Variants in KDM4C observed in about 807,000 individuals in gnomAD.
The protein encoded by KDM4C is lysine-specific demethylase 4C.
A neutral mutation model predicts 129.3 loss-of-function variants in KDM4C; 81 were observed. The observed-to-expected ratio is 0.63, with a 90% CI of 0.52 to 0.75. The LOEUF (loss-of-function observed/expected upper bound fraction) is 0.75, where lower values mean the gene tolerates loss of function less well. Among genes scored for constraint, KDM4C ranks in the 30% least tolerant of loss-of-function variants. The pLI, the probability that KDM4C is intolerant of heterozygous loss-of-function variation, is 0.00. For synonymous variants in KDM4C, 573 were observed against 456.1 expected (o/e 1.26, Z -3.26); for missense variants, 1,457 against 1,304.0 (o/e 1.12, Z -1.81).
At chr9:6,857,755 C>CTT (rs34529562) in intron 5 of KDM4C, among the ~76,000 whole-genome samples, 160 of 135,530 alleles carry the variant, frequency 1.2e-3, no homozygotes, top group Non-Finnish European at 1.8e-3. Flanking sequence ...GCCAGCTGTA[C>CTT]TTTTTTTTTT....
In KDM4C at chr9:6,805,684, T is replaced by G; in HGVS notation, c.230T>G (p.Val77Gly). The G allele has an allele frequency of 6.2e-7, 1 of 1,614,090 alleles. No homozygotes were observed. Among genetic ancestry groups the G allele is most frequent in the Non-Finnish European group, 8.5e-7 (1 of 1,179,992 alleles). ...LLIPAPIQQM[V>G]TGQSGLFTQY... Reference sequence around the variant, plus strand: ...ATTCCAGCACCAATTCAGCAGATGGTCACAGGGCAGTCAGGACTGTTCACT... The same window carrying G: ...ATTCCAGCACCAATTCAGCAGATGGGCACAGGGCAGTCAGGACTGTTCACT... Residue 77 changes from valine (V) to glycine (G), a missense_variant, in exon 3 of 22, where the codon GTC (valine) becomes GGC (glycine). Val to Gly is a moderately radical substitution (Grantham distance 109, BLOSUM62 -3). Coordinates refer to ENST00000381309, the MANE Select transcript of KDM4C (RefSeq NM_015061.6).
chr9:6,860,775 G>A (rs770846121), intron 5 of KDM4C, among the ~76,000 whole-genome samples: 1 of 152,142 alleles, frequency 6.6e-6, no homozygotes, highest in Non-Finnish European at 1.5e-5. Flanking sequence ...GTGTTACTTG[G>A]AATGTATTTT....
At chr9:7,144,227 A>G (rs1362151166) in intron 19 of KDM4C, among the ~76,000 whole-genome samples, 1 of 151,670 alleles carries the variant, frequency 6.6e-6, no homozygotes, top group African/African-American at 2.4e-5. Flanking sequence ...AAACTTTGGG[A>G]GGCCAAGGTG....
At chr9:7,057,567 T>G (rs1000750597) in intron 17 of KDM4C, among the ~76,000 whole-genome samples, 4 of 152,242 alleles carry the variant, frequency 2.6e-5, no homozygotes, top group African/African-American at 7.2e-5. Context: ...AAGTTAACAG[T>G]CTGACACAGA....
At chr9:6,841,651 A>T (rs1051439251) in intron 4 of KDM4C, among the ~76,000 whole-genome samples, 1 of 152,206 alleles carries the variant, frequency 6.6e-6, no homozygotes, top group Non-Finnish European at 1.5e-5. Context: ...GAAGTGTTTC[A>T]GTAATCATCC....
intron 17 of KDM4C, among the ~76,000 whole-genome samples, chr9:7,086,245 A>G (rs113989315): frequency 0.028 from 4,312 of 152,272 alleles, 89 homozygotes; most frequent in Middle Eastern, 0.099. Context: ...ATTGGTAGAT[A>G]TTTCTGTATT....
intron 20 of KDM4C, among the ~76,000 whole-genome samples, chr9:7,167,220 T>C (rs1844480482): frequency 6.6e-6 from 1 of 152,130 alleles, no homozygotes; most frequent in African/African-American, 2.4e-5. Context: ...AGGGCCAAAA[T>C]TCTCTCTCAG....
intron 11 of KDM4C, among the ~76,000 whole-genome samples, chr9:6,987,155 G>T (rs1817868831): frequency 6.6e-6 from 1 of 152,096 alleles, no homozygotes; most frequent in Admixed American, 6.5e-5. Flanking sequence ...AATACCTCCT[G>T]GTCCCAGCCT....
Position 7,122,265 on chromosome 9 carries a change from A to ACACACG in KDM4C, c.2611-5800_2611-5799insACACGC, listed in dbSNP as rs375655422. ...CACACACACACACACACACACACAC[A>ACACACG]CTCTCTCTCTCTCTCTCTCTTAAAC... is the stretch of plus-strand genomic sequence containing the variant. On this transcript the variant is annotated intron_variant, in intron 18 of 21. Coordinates refer to ENST00000381309, the MANE Select transcript of KDM4C (RefSeq NM_015061.6). Among the ~76,000 whole-genome samples, 793 of 144,822 alleles carry ACACACG rather than the reference A, an allele frequency of 5.5e-3. 5 individuals carry two copies. The highest frequency in any genetic ancestry group is 0.035 in the South Asian group (161 of 4,542).
chr9:7,016,166 C>G (rs527582148), intron 15 of KDM4C, among the ~76,000 whole-genome samples: 1 of 149,532 alleles, frequency 6.7e-6, no homozygotes, highest in Non-Finnish European at 1.5e-5. Context: ...CTCTCTCTGT[C>G]GCCCAGGCTA....
At chr9:7,125,514 G>C (rs1839941203) in intron 18 of KDM4C, among the ~76,000 whole-genome samples, 1 of 152,218 alleles carries the variant, frequency 6.6e-6, no homozygotes, top group Non-Finnish European at 1.5e-5. Context: ...GAGGAAATTA[G>C]TGAATGAATG....
intron 15 of KDM4C, 67 bp downstream of exon 15, chr9:7,015,996 T>A (rs753193778): frequency 1.1e-4 from 132 of 1,184,264 alleles, no homozygotes; most frequent in Non-Finnish European, 1.6e-4. Flanking sequence ...CACATTTAAG[T>A]CTAGGGAAAA....
At chr9:6,882,881 G>A (rs874268) in intron 6 of KDM4C, among the ~76,000 whole-genome samples, 94,116 of 151,680 alleles carry the variant, frequency 0.62, 29,661 homozygotes, top group East Asian at 0.88. Flanking sequence ...TGTGGAGTAA[G>A]AGGTCATAGC....
chr9:7,118,256 C>T (rs1195139568), intron 18 of KDM4C, among the ~76,000 whole-genome samples: 2 of 152,118 alleles, frequency 1.3e-5, no homozygotes, highest in Non-Finnish European at 2.9e-5. Context: ...AATTAAAAAC[C>T]CATGAGAAAT....
chr9:6,752,727 C>A (rs915761571), upstream of KDM4C, among the ~76,000 whole-genome samples: 3 of 152,094 alleles, frequency 2.0e-5, no homozygotes, highest in Non-Finnish European at 4.4e-5. Context: ...GTTAAAGCAA[C>A]TTCCAAAAAG....
At chr9:6,806,878 G>GTCTCCGTCTCCGTCTCCGTCTCCC (rs1354711155) in intron 3 of KDM4C, among the ~76,000 whole-genome samples, 39 of 139,538 alleles carry the variant, frequency 2.8e-4, no homozygotes, top group African/African-American at 1.0e-3. Flanking sequence ...CTCCGTCTCC[G>GTCTCCGTCTCCGTCTCCGTCTCCC]TCTCCCTCTC....
At chr9:6,773,555 T>TG in intron 1 of KDM4C, among the ~76,000 whole-genome samples, 1 of 152,084 alleles carries the variant, frequency 6.6e-6, no homozygotes, top group Non-Finnish European at 1.5e-5. Flanking sequence ...GCAGATCACT[T>TG]AGGCCAGGAG....
In KDM4C at chr9:7,043,517, G is replaced by T. The variant is rs531831887; in HGVS notation, c.2260-3345G>T. ...AGAAAGGTTAAAAATTGTCTTATCTGTTATGTTTTCTACTGGGCTTTAATC... is the reference window on the plus strand; with the variant it reads ...AGAAAGGTTAAAAATTGTCTTATCTTTTATGTTTTCTACTGGGCTTTAATC... On this transcript the variant is annotated intron_variant, in intron 15 of 21. Transcript: ENST00000381309. 2.0e-5 allele frequency among the ~76,000 whole-genome samples: 3 copies of T among 152,100 alleles called. No homozygotes were observed. In the East Asian group the frequency reaches 5.8e-4, roughly 29 times the overall value.
intron 8 of KDM4C, among the ~76,000 whole-genome samples, chr9:6,947,739 C>T (rs1216565256): frequency 6.6e-6 from 1 of 151,944 alleles, no homozygotes; most frequent in Non-Finnish European, 1.5e-5. Context: ...TATGGCTGTG[C>T]TTTAGAATCA....
Sources: gnomAD v4.1 joint callset for allele counts (sites outside exome capture counted in the v4.1 genomes callset) on GRCh38, gnomAD v4.1.1 for gene constraint, MANE v1.5 for transcripts, NCBI Gene and HGNC (gene_info 2026-07-23, HGNC 2026-07-21) for gene names.